The following HDAC9 variants were observed in gnomAD, a reference collection of about 807,000 sequenced individuals.
The protein encoded by HDAC9 is MEF-2 interacting transcription repressor (MITR) protein.
Under a neutral mutation model 139.4 loss-of-function variants are expected in HDAC9, and 41 were observed. The ratio of observed to expected loss-of-function variants is 0.29; its 90% CI spans 0.23 to 0.38. The LOEUF (loss-of-function observed/expected upper bound fraction) is 0.38. HDAC9 is among the 10% of genes least tolerant of loss of function. The probability of loss-of-function intolerance (pLI) is 1.00; values close to 1 mark genes in which losing one functional copy is unlikely to be tolerated. For synonymous variants in HDAC9, 517 were observed against 476.2 expected, an observed-to-expected ratio of 1.09 and a Z score of -1.12; for missense variants, 1,147 against 1,297.0, an observed-to-expected ratio of 0.88 and a Z score of 1.78.
chr7:18,355,550 C>T (rs749405148), intron 1 of HDAC9, among the ~76,000 whole-genome samples: 1 of 152,080 alleles, frequency 6.6e-6, no homozygotes, highest in Non-Finnish European at 1.5e-5. Context: ...GATGTGAAAG[C>T]TTATTTTGAA....
At chr7:18,953,848 A>G (rs1031702245) in intron 23 of HDAC9, among the ~76,000 whole-genome samples, 5 of 152,126 alleles carry the variant, frequency 3.3e-5, no homozygotes, top group African/African-American at 1.2e-4. Flanking sequence ...TCAGGAACCT[A>G]CAAAAATTAC....
At chr7:18,135,224 G>C (rs1437398837) in intron 1 of HDAC9, among the ~76,000 whole-genome samples, 1 of 148,926 alleles carries the variant, frequency 6.7e-6, no homozygotes, top group Non-Finnish European at 1.5e-5. Context: ...CTCTTAGGAA[G>C]ATAATTGTGT....
At chr7:18,908,517 A>G (rs961278681) in intron 22 of HDAC9, among the ~76,000 whole-genome samples, 2 of 152,140 alleles carry the variant, frequency 1.3e-5, no homozygotes, top group African/African-American at 4.8e-5. Context: ...TTTTGTATCT[A>G]TTAACCAACC....
At chr7:18,422,744 GCA>G (rs1233787931) in intron 1 of HDAC9, among the ~76,000 whole-genome samples, 2,370 of 26,292 alleles carry the variant, frequency 0.09, 23 homozygotes, top group Admixed American at 0.21. Flanking sequence ...ACACACACGC[GCA>G]CACACACACA....
intron 6 of HDAC9, among the ~76,000 whole-genome samples, chr7:18,611,595 C>A (rs1048332730): frequency 6.6e-6 from 1 of 152,024 alleles, no homozygotes; most frequent in Non-Finnish European, 1.5e-5. Flanking sequence ...TTGAAGACAG[C>A]GAGTTTTGTT....
intron 23 of HDAC9, among the ~76,000 whole-genome samples, chr7:18,938,848 C>T (rs1041087442): frequency 5.3e-5 from 8 of 152,232 alleles, no homozygotes; most frequent in African/African-American, 7.2e-5. Flanking sequence ...GAGACCAGAA[C>T]GCAGAAAGAA....
chr7:18,933,031 A>G (rs1305034698), intron 22 of HDAC9, among the ~76,000 whole-genome samples: 1 of 152,218 alleles, frequency 6.6e-6, no homozygotes, highest in African/African-American at 2.4e-5. Context: ...TGTCCCAGAT[A>G]TCCAGCAAAA....
intron 1 of HDAC9, among the ~76,000 whole-genome samples, chr7:18,476,737 G>A (rs1412454937): frequency 2.0e-5 from 3 of 152,096 alleles, no homozygotes; most frequent in Non-Finnish European, 4.4e-5. Flanking sequence ...AAACTTATCT[G>A]TATATCTCTG....
chr7:18,347,096 ACT>A (rs764397789), intron 1 of HDAC9, among the ~76,000 whole-genome samples: 9 of 152,120 alleles, frequency 5.9e-5, no homozygotes, highest in Non-Finnish European at 1.2e-4. Context: ...TTTCACAGTA[ACT>A]CTTTTTAGAA....
chr7:18,381,775 T>C (rs1785468334), intron 1 of HDAC9, among the ~76,000 whole-genome samples: 1 of 152,086 alleles, frequency 6.6e-6, no homozygotes, highest in Non-Finnish European at 1.5e-5. Flanking sequence ...TTTAGGAAAA[T>C]ACATGCTGAC....
chr7:18,745,531 C>CTTTTT (rs565092002), intron 13 of HDAC9, among the ~76,000 whole-genome samples: 1 of 90,486 alleles, frequency 1.1e-5, no homozygotes, highest in Non-Finnish European at 2.1e-5. Flanking sequence ...ACTCTCTACT[C>CTTTTT]TTTTTTTTTT....
intron 1 of HDAC9, among the ~76,000 whole-genome samples, chr7:18,124,501 T>C (rs1413634141): frequency 6.6e-6 from 1 of 152,200 alleles, no homozygotes; most frequent in Non-Finnish European, 1.5e-5. Context: ...GAGGTTACAA[T>C]AGTGAACCTT....
intron 1 of HDAC9, among the ~76,000 whole-genome samples, chr7:18,336,436 T>A (rs1021141699): frequency 6.6e-6 from 1 of 151,632 alleles, no homozygotes; most frequent in Non-Finnish European, 1.5e-5. Flanking sequence ...AATTCTGTAA[T>A]GAGAAGACTG....
At chr7:18,902,914 T>C (rs1340877593) in intron 22 of HDAC9, among the ~76,000 whole-genome samples, 1 of 152,210 alleles carries the variant, frequency 6.6e-6, no homozygotes, top group East Asian at 1.9e-4. Context: ...ATGAGTATAA[T>C]CATCTATAGT....
chr7:18,451,368 C>CGTGTGT (rs71553928), intron 1 of HDAC9, among the ~76,000 whole-genome samples: 42,271 of 138,518 alleles, frequency 0.31, 6,463 homozygotes, highest in Admixed American at 0.4. Flanking sequence ...TGTATATGTG[C>CGTGTGT]GTGTGTGTGT....
At chr7:18,118,443 A>AT (rs531574307) in intron 1 of HDAC9, among the ~76,000 whole-genome samples, 182 of 152,310 alleles carry the variant, frequency 1.2e-3, no homozygotes, top group African/African-American at 3.2e-3. Flanking sequence ...GAACATAGAA[A>AT]TTTTTTATAA....
intron 12 of HDAC9, among the ~76,000 whole-genome samples, chr7:18,702,900 A>T (rs1300131613): frequency 6.6e-6 from 1 of 152,214 alleles, no homozygotes; most frequent in Admixed American, 6.5e-5. Context: ...AGTAAAAAAG[A>T]GTTACATCTT....
At chr7:18,696,690 CATCTCTTGACCTTGTG>C (rs1471620175) in intron 12 of HDAC9, among the ~76,000 whole-genome samples, 2 of 151,936 alleles carry the variant, frequency 1.3e-5, no homozygotes, top group Non-Finnish European at 2.9e-5. Context: ...GGATGGTCTC[CATCTCTTGACCTTGTG>C]ATCAGCCCAC....
intron 17 of HDAC9, among the ~76,000 whole-genome samples, chr7:18,795,848 A>G (rs114110396): frequency 1.3e-3 from 195 of 152,308 alleles, no homozygotes; most frequent in African/African-American, 4.6e-3. Flanking sequence ...CTCAAATATG[A>G]TGGGGCTGAT....
Sources: allele counts gnomAD v4.1 joint callset (sites outside exome capture counted in the v4.1 genomes callset), GRCh38; gene constraint gnomAD v4.1.1; transcripts MANE v1.5; gene names NCBI Gene and HGNC (gene_info 2026-07-23, HGNC 2026-07-21).